ROBO1: variants seen among roughly 807,000 people sequenced by gnomAD.
ROBO1 encodes roundabout homolog 1.
Under a neutral mutation model 195.9 loss-of-function variants are expected in ROBO1, and 149 were observed. That is an observed-to-expected ratio of 0.76 (90% CI 0.67 to 0.87). The LOEUF (loss-of-function observed/expected upper bound fraction) is 0.87, where lower values mean the gene tolerates loss of function less well. Ranked by LOEUF, ROBO1 falls within the 40% of genes least tolerant of loss-of-function variation. The probability of loss-of-function intolerance (pLI) is 0.00; values close to 1 mark genes in which losing one functional copy is unlikely to be tolerated. For synonymous variants in ROBO1, 816 were observed against 733.2 expected (o/e 1.11, Z -1.82); for missense variants, 1,933 against 2,068.3 (o/e 0.93, Z 1.27).
At chr3:79,300,387 G>C (rs1482954111) in intron 2 of ROBO1, among the ~76,000 whole-genome samples, 1 of 152,224 alleles carries the variant, frequency 6.6e-6, no homozygotes, top group African/African-American at 2.4e-5. Context: ...AGCGTGTACT[G>C]GGTCCCCCAG....
chr3:79,741,098 G>C (rs1456252091), intron 1 of ROBO1, among the ~76,000 whole-genome samples: 1 of 152,164 alleles, frequency 6.6e-6, no homozygotes, highest in Non-Finnish European at 1.5e-5. Flanking sequence ...TAAGAAGCTG[G>C]AAAAGGTTGT....
intron 2 of ROBO1, among the ~76,000 whole-genome samples, chr3:79,202,932 T>C (rs1332596241): frequency 6.6e-6 from 1 of 152,138 alleles, no homozygotes. Context: ...TTCTCCTAAC[T>C]GCAAAGGAAT....
chr3:79,515,953 T>C (rs1466342459), intron 2 of ROBO1, among the ~76,000 whole-genome samples: 1 of 152,198 alleles, frequency 6.6e-6, no homozygotes, highest in Non-Finnish European at 1.5e-5. Context: ...CTGGGTCATA[T>C]ATACTGTGCA....
At chr3:79,136,274 T>G (rs983509062) in intron 2 of ROBO1, among the ~76,000 whole-genome samples, 2 of 152,182 alleles carry the variant, frequency 1.3e-5, no homozygotes, top group African/African-American at 4.8e-5. Flanking sequence ...CAATCACAGC[T>G]CAAAACATTA....
chr3:79,363,550 C>T (rs1461662362), intron 2 of ROBO1, among the ~76,000 whole-genome samples: 1 of 152,132 alleles, frequency 6.6e-6, no homozygotes, highest in African/African-American at 2.4e-5. Flanking sequence ...TCCTGGAAGA[C>T]CGTATAATTA....
At chr3:79,548,169 C>G (rs1430054399) in intron 2 of ROBO1, among the ~76,000 whole-genome samples, 1 of 152,160 alleles carries the variant, frequency 6.6e-6, no homozygotes. Flanking sequence ...AGGTAACTTC[C>G]TCACCCAAGG....
At chr3:78,843,620 A>G (rs1384073853) in intron 4 of ROBO1, among the ~76,000 whole-genome samples, 1 of 152,078 alleles carries the variant, frequency 6.6e-6, no homozygotes, top group Non-Finnish European at 1.5e-5. Flanking sequence ...CTTCAATAAT[A>G]ATATACTTCT....
chr3:79,414,069 T>C (rs1218282774), intron 2 of ROBO1, among the ~76,000 whole-genome samples: 1 of 152,120 alleles, frequency 6.6e-6, no homozygotes, highest in African/African-American at 2.4e-5. Flanking sequence ...CTCCTAATAA[T>C]GTATAATAGC....
chr3:78,606,382 C>T (rs886668146), intron 29 of ROBO1, among the ~76,000 whole-genome samples: 2 of 152,148 alleles, frequency 1.3e-5, no homozygotes, highest in African/African-American at 4.8e-5. Flanking sequence ...CCCAAATATT[C>T]AATTCTCCAG....
chr3:78,865,908 A>G (rs565297147), intron 4 of ROBO1, among the ~76,000 whole-genome samples: 1 of 152,314 alleles, frequency 6.6e-6, no homozygotes, highest in Non-Finnish European at 1.5e-5. Context: ...ATTCCAATAT[A>G]AAGTATATTT....
intron 4 of ROBO1, among the ~76,000 whole-genome samples, chr3:78,917,752 C>A (rs2038700787): frequency 6.6e-6 from 1 of 152,184 alleles, no homozygotes; most frequent in South Asian, 2.1e-4. Flanking sequence ...ATATTGCTCA[C>A]TCAGCTTTGA....
rs547157624 is a variant in ROBO1 at position 79,435,559 on chromosome 3, C to G, written c.88+154265G>C. 7.9e-5 allele frequency among the ~76,000 whole-genome samples: 12 copies of G among 152,180 alleles called. No individual in the cohort carries two copies. In the South Asian group the frequency reaches 2.3e-3, roughly 29 times the overall value. On this transcript the variant is annotated intron_variant, in intron 2 of 30. Transcript: ENST00000464233. The stretch of plus-strand genomic sequence containing the variant: ...AGAGCAATTTCTATAGCATTTTAGG[C>G]TGAGTCTATGTCGGAATTACCATAT...
At chr3:78,783,525 C>T (rs1315097614) in intron 4 of ROBO1, among the ~76,000 whole-genome samples, 2 of 152,134 alleles carry the variant, frequency 1.3e-5, no homozygotes, top group Non-Finnish European at 2.9e-5. Flanking sequence ...ATGCTAAGGA[C>T]ATTCAAGATT....
intron 1 of ROBO1, among the ~76,000 whole-genome samples, chr3:79,619,758 T>C (rs1361277353): frequency 6.6e-6 from 1 of 152,114 alleles, no homozygotes; most frequent in Non-Finnish European, 1.5e-5. Flanking sequence ...CAACAACCCT[T>C]AGAAGCTTTA....
chr3:78,813,584 T>A lies in ROBO1; in HGVS notation c.500-66684A>T, dbSNP rs537783562. ...AGAATCGTTCTGTTTAACCAAAATA[T>A]ATTTTTGTCATTCACATTACAGAAA... On this transcript the variant is annotated intron_variant, in intron 4 of 30. Coordinates refer to ENST00000464233, the MANE Select transcript of ROBO1 (RefSeq NM_002941.4). Among the ~76,000 whole-genome samples the A allele has an allele frequency of 2.6e-4, 39 of 152,258 alleles. No homozygotes were observed. In the Middle Eastern group the frequency reaches 0.01, roughly 40 times the overall value.
intron 1 of ROBO1, among the ~76,000 whole-genome samples, chr3:79,742,677 G>T (rs868662411): frequency 6.6e-6 from 1 of 152,150 alleles, no homozygotes; most frequent in African/African-American, 2.4e-5. Context: ...CCAGTCTTAG[G>T]TAGTTCTTTA....
At chr3:78,832,492 TAACA>T (rs1363972107) in intron 4 of ROBO1, among the ~76,000 whole-genome samples, 1 of 152,138 alleles carries the variant, frequency 6.6e-6, no homozygotes, top group East Asian at 1.9e-4. Context: ...TGCCTCTCAC[TAACA>T]AACAGTGATG....
chr3:78,694,601 T>C (rs934643636), intron 8 of ROBO1, among the ~76,000 whole-genome samples: 1 of 152,202 alleles, frequency 6.6e-6, no homozygotes, highest in Non-Finnish European at 1.5e-5. Flanking sequence ...AAAAAGAAAC[T>C]TTCTCATTTA....
At chr3:78,872,370 C>A (rs12495133) in intron 4 of ROBO1, among the ~76,000 whole-genome samples, 47,486 of 152,102 alleles carry the variant, frequency 0.31, 8,732 homozygotes, top group South Asian at 0.48. Flanking sequence ...TGGGGGAAGG[C>A]ACAATTGTCT....
Sources: allele counts gnomAD v4.1 joint callset (sites outside exome capture counted in the v4.1 genomes callset), GRCh38; gene constraint gnomAD v4.1.1; transcripts MANE v1.5; gene names NCBI Gene and HGNC (gene_info 2026-07-23, HGNC 2026-07-21).